DNAH6: variants seen among roughly 807,000 people sequenced by gnomAD.
The protein encoded by DNAH6 is axonemal beta dynein heavy chain 6.
In DNAH6, 340 loss-of-function variants were observed where a neutral mutation model predicts 491.4. That is an observed-to-expected ratio of 0.69 (90% CI 0.63 to 0.76). DNAH6 has a LOEUF of 0.76. Ranked by LOEUF, DNAH6 falls within the 30% of genes least tolerant of loss-of-function variation. The pLI, the probability that DNAH6 is intolerant of heterozygous loss-of-function variation, is 0.00. For missense variants in DNAH6, 4,443 were observed against 4,972.2 expected (o/e 0.89, Z 3.20); for synonymous variants, 1,603 against 1,686.1 (o/e 0.95, Z 1.21).
chr2:84,479,356 A>G, the DNAH6 span, among the ~76,000 whole-genome samples: 8 of 152,150 alleles, frequency 5.3e-5, no homozygotes, highest in African/African-American at 1.7e-4. Context: ...TACCACTCTC[A>G]TACTGTCCAG....
rs1182188444 is a variant in DNAH6 at position 84,665,634 on chromosome 2, G to A, written c.6085-3655G>A. 8.5e-5 allele frequency among the ~76,000 whole-genome samples: 13 copies of A among 152,256 alleles called. No individual in the cohort carries two copies. In the East Asian group the frequency reaches 1.2e-3, roughly 14 times the overall value. On this transcript the variant is annotated intron_variant, in intron 37 of 76. Transcript: ENST00000389394. ...TAGCCTACCAACGAAAAAAAGTCCA[G>A]GACCAGACGGATTCACAGCTGAATT...
At chr2:84,818,926 A>G (rs1397820052) in intron 76 of DNAH6, among the ~76,000 whole-genome samples, 1 of 152,212 alleles carries the variant, frequency 6.6e-6, no homozygotes, top group Admixed American at 6.5e-5. Context: ...TACAAAAATT[A>G]GCCAGGCATG....
chr2:84,542,563 C>T (rs984827265), intron 4 of DNAH6, among the ~76,000 whole-genome samples: 1 of 152,102 alleles, frequency 6.6e-6, no homozygotes, highest in Non-Finnish European at 1.5e-5. Context: ...TCTCCCACTT[C>T]GCACAGCACC....
intron 11 of DNAH6, among the ~76,000 whole-genome samples, chr2:84,570,449 A>C (rs540931914): frequency 6.6e-5 from 10 of 152,254 alleles, no homozygotes; most frequent in African/African-American, 2.4e-4. Flanking sequence ...AGGAATGTAA[A>C]TGCACCAATC....
chr2:84,644,338 G>A, intron 33 of DNAH6, among the ~76,000 whole-genome samples: 1 of 152,168 alleles, frequency 6.6e-6, no homozygotes, highest in Non-Finnish European at 1.5e-5. Context: ...AGAGCAGAGT[G>A]CTCCAGCCTA....
At chr2:84,654,609 A>G (rs1433518000) in intron 34 of DNAH6, 51 bp from the exon 35 acceptor site, 1 of 1,544,912 alleles carries the variant, frequency 6.5e-7, no homozygotes, top group Non-Finnish European at 8.8e-7. Flanking sequence ...AGTTGGAGAA[A>G]TAAGGAAGTA....
chr2:84,572,522 A>G (rs896062285), intron 11 of DNAH6, among the ~76,000 whole-genome samples: 5 of 152,210 alleles, frequency 3.3e-5, no homozygotes, highest in African/African-American at 1.2e-4. Context: ...TGTTTATTAT[A>G]AAGAAGAAAC....
intron 62 of DNAH6, among the ~76,000 whole-genome samples, chr2:84,734,454 G>A (rs970627388): frequency 6.6e-6 from 1 of 152,070 alleles, no homozygotes; most frequent in South Asian, 2.1e-4. Flanking sequence ...GGATTTAGGG[G>A]ACCATCTTTT....
chr2:84,698,645 G>T (rs1695609616), intron 47 of DNAH6, among the ~76,000 whole-genome samples: 1 of 152,144 alleles, frequency 6.6e-6, no homozygotes, highest in Non-Finnish European at 1.5e-5. Flanking sequence ...GTTTATCAAA[G>T]AACTTTGAAC....
intron 9 of DNAH6, 145 bp downstream of exon 9, chr2:84,550,202 A>G: frequency 1.5e-6 from 1 of 655,808 alleles, no homozygotes; most frequent in Non-Finnish European, 2.5e-6. Flanking sequence ...TTTGGACACC[A>G]GAGACCAGTT....
At chr2:84,727,049 C>T (rs938595603) in intron 60 of DNAH6, among the ~76,000 whole-genome samples, 14 of 152,106 alleles carry the variant, frequency 9.2e-5, no homozygotes, top group Non-Finnish European at 1.5e-5. Flanking sequence ...ACTTCTACAC[C>T]CTAAAAATTA....
the DNAH6 span, among the ~76,000 whole-genome samples, chr2:84,466,638 A>G: frequency 4.6e-5 from 7 of 152,364 alleles, no homozygotes; most frequent in East Asian, 1.2e-3. Context: ...TATGAACATT[A>G]TAGCTCTCTA....
intron 2 of DNAH6, 21 bp from the exon 3 acceptor site, chr2:84,525,544 A>C (rs763522034): frequency 2.0e-6 from 3 of 1,526,068 alleles, no homozygotes; most frequent in South Asian, 2.5e-5. Context: ...AAAAATTAAC[A>C]TGTCTCTCTA....
Position 84,624,634 on chromosome 2 carries a change from C to A in DNAH6, c.4353+14C>A. On this transcript the variant is annotated intron_variant, in intron 28 of 76. Coordinates refer to ENST00000389394, the MANE Select transcript of DNAH6 (RefSeq NM_001370.2). ...ACTCCACTCACAGTAAGTTATTGAT[C>A]ACTTGGGTTAATATTGACACAAGAG... The A allele has an allele frequency of 6.5e-7, 1 of 1,549,830 alleles. No individual in the cohort carries two copies. Among genetic ancestry groups the A allele is most frequent in the South Asian group, 1.2e-5 (1 of 83,672 alleles).
chr2:84,572,683 T>C (rs957907487), intron 11 of DNAH6, among the ~76,000 whole-genome samples: 1 of 152,226 alleles, frequency 6.6e-6, no homozygotes, highest in African/African-American at 2.4e-5. Context: ...CATTGGTGTG[T>C]TGGATTTGTG....
At chr2:84,601,754 GT>G (rs1254579036) in intron 18 of DNAH6, among the ~76,000 whole-genome samples, 1 of 151,674 alleles carries the variant, frequency 6.6e-6, no homozygotes, top group Non-Finnish European at 1.5e-5. Context: ...CTTGCTAGCT[GT>G]TTTATTTATT....
intron 75 of DNAH6, 36 bp downstream of exon 75, chr2:84,814,158 C>T: frequency 6.5e-7 from 1 of 1,543,462 alleles, no homozygotes; most frequent in Middle Eastern, 1.7e-4. Flanking sequence ...AAAGCAGCTT[C>T]TATCCCACTG....
chr2:84,778,087 C>A, intron 64 of DNAH6: 1 of 838,162 alleles, frequency 1.2e-6, no homozygotes, highest in Non-Finnish European at 2.1e-6. Context: ...GTTTATCTTC[C>A]AGTTAAACTG....
At chr2:84,801,101 TG>T (rs1678853700) in intron 70 of DNAH6, among the ~76,000 whole-genome samples, 1 of 31,744 alleles carries the variant, frequency 3.2e-5, no homozygotes, top group African/African-American at 1.3e-4. Context: ...TGTGGTGGGG[TG>T]GGGGGAGGGG....
Sources: gnomAD v4.1 joint callset for allele counts (sites outside exome capture counted in the v4.1 genomes callset) on GRCh38, gnomAD v4.1.1 for gene constraint, MANE v1.5 for transcripts, NCBI Gene and HGNC (gene_info 2026-07-23, HGNC 2026-07-21) for gene names.